ZCWPW2: variants seen among roughly 807,000 people sequenced by gnomAD.
ZCWPW2 encodes the protein zinc finger CW-type and PWWP domain containing 2, also known as zinc finger CW-type PWWP domain protein 2.
In ZCWPW2, 45 loss-of-function variants were observed where a neutral mutation model predicts 46.6. The ratio of observed to expected loss-of-function variants is 0.96; its 90% CI spans 0.76 to 1.24. ZCWPW2 has a LOEUF of 1.24. Among genes scored for constraint, ZCWPW2 ranks in the 50% most tolerant of loss-of-function variants. The probability of loss-of-function intolerance (pLI) is 0.00; values close to 1 mark genes in which losing one functional copy is unlikely to be tolerated. For synonymous variants in ZCWPW2, 152 were observed against 137.1 expected (o/e 1.11, Z -0.76); for missense variants, 429 against 403.9 (o/e 1.06, Z -0.53).
intron 1 of ZCWPW2, among the ~76,000 whole-genome samples, chr3:28,387,200 G>A (rs1307615580): frequency 6.6e-6 from 1 of 152,104 alleles, no homozygotes; most frequent in Non-Finnish European, 1.5e-5. Flanking sequence ...TCACTTGTAG[G>A]CTTAGCAAAC....
intron 2 of ZCWPW2, among the ~76,000 whole-genome samples, chr3:28,409,671 C>T (rs1696320048): frequency 6.6e-6 from 1 of 151,914 alleles, no homozygotes; most frequent in African/African-American, 2.4e-5. Context: ...TAATTTATAC[C>T]TTGTTAAATC....
chr3:28,451,868 C>T (rs1698238770), intron 4 of ZCWPW2, among the ~76,000 whole-genome samples: 1 of 152,200 alleles, frequency 6.6e-6, no homozygotes, highest in Non-Finnish European at 1.5e-5. Flanking sequence ...CTAAAAAACT[C>T]TTGCACCATG....
At chr3:28,493,465 C>A (rs1233037708) in intron 6 of ZCWPW2, among the ~76,000 whole-genome samples, 1 of 117,598 alleles carries the variant, frequency 8.5e-6, no homozygotes, top group Non-Finnish European at 1.9e-5. Context: ...CATGTCCCTA[C>A]AAAGGACATG....
intron 6 of ZCWPW2, chr3:28,511,222 G>A: frequency 3.2e-6 from 1 of 311,700 alleles, no homozygotes; most frequent in South Asian, 2.7e-5. Context: ...CCAACTAGGA[G>A]CAAATGTCTA....
chr3:28,492,414 A>G (rs1258300688), intron 6 of ZCWPW2, among the ~76,000 whole-genome samples: 1 of 152,106 alleles, frequency 6.6e-6, no homozygotes. Flanking sequence ...ATAAGTAAAC[A>G]AGTAAATGAG....
At chr3:28,385,425 A>C (rs1695234763) in intron 1 of ZCWPW2, among the ~76,000 whole-genome samples, 1 of 152,240 alleles carries the variant, frequency 6.6e-6, no homozygotes, top group African/African-American at 2.4e-5. Context: ...GCCAGAATAC[A>C]GTATGATGTG....
chr3:28,402,782 A>G (rs1696000641), intron 2 of ZCWPW2, among the ~76,000 whole-genome samples: 1 of 152,222 alleles, frequency 6.6e-6, no homozygotes, highest in Non-Finnish European at 1.5e-5. Context: ...ACATAAACAG[A>G]ATTAAAAAGA....
At chr3:28,448,339 G>A (rs1698077481) in intron 4 of ZCWPW2, among the ~76,000 whole-genome samples, 1 of 151,966 alleles carries the variant, frequency 6.6e-6, no homozygotes, top group Non-Finnish European at 1.5e-5. Flanking sequence ...CATTTACAAT[G>A]GCATCAAAAA....
rs560157465 is a variant in ZCWPW2, at chr3:28,514,195, G to A, written c.716+73G>A. ...ATTGGATTTAGTTTAGAAACACCCC[G>A]GCTAATAACCCTAAACAACATCTTT... On this transcript the variant is annotated intron_variant, in intron 7 of 9. Coordinates refer to ENST00000383768, the MANE Select transcript of ZCWPW2 (RefSeq NM_001040432.4). 1.1e-4 allele frequency: 115 copies of A among 1,034,300 alleles called. 2 individuals carry two copies. In the South Asian group the frequency reaches 1.1e-3, roughly 10 times the overall value. 64.1% of individuals were successfully genotyped at this position (1,034,300 alleles called of 1,614,324 possible).
rs796704127 is a variant in ZCWPW2 at position 28,436,330 on chromosome 3, T to TTC, written c.492+1062_492+1063insCT. 4.8e-3 allele frequency among the ~76,000 whole-genome samples: 708 copies of TTC among 146,320 alleles called. 7 individuals carry two copies. Among genetic ancestry groups the TTC allele is most frequent in the African/African-American group, 0.017 (676 of 39,688 alleles). ...GAATATTTTCTTTTTTTTCTTTTTT[T>TTC]TTTTTTTTTTTGTGATGGCCAGCCT... is the stretch of plus-strand genomic sequence containing the variant. On this transcript the variant is annotated intron_variant, in intron 4 of 9. Transcript: ENST00000383768.
At chr3:28,516,020 G>T (rs1260661394) in intron 8 of ZCWPW2, among the ~76,000 whole-genome samples, 1 of 151,680 alleles carries the variant, frequency 6.6e-6, no homozygotes, top group Non-Finnish European at 1.5e-5. Context: ...GCAGGAAGAT[G>T]ACTTGAGGTC....
chr3:28,510,430 AAAT>A (rs1700396470), intron 6 of ZCWPW2, among the ~76,000 whole-genome samples: 1 of 152,244 alleles, frequency 6.6e-6, no homozygotes, highest in East Asian at 1.9e-4. Context: ...TGACTTTTGT[AAAT>A]CCTCTTTTTC....
chr3:28,485,730 G>A (rs1312199370), intron 5 of ZCWPW2, among the ~76,000 whole-genome samples: 1 of 152,058 alleles, frequency 6.6e-6, no homozygotes, highest in Non-Finnish European at 1.5e-5. Context: ...ATTAGGGTTA[G>A]CATGATATAT....
intron 4 of ZCWPW2, among the ~76,000 whole-genome samples, chr3:28,445,578 A>G (rs1037599192): frequency 6.6e-6 from 1 of 152,178 alleles, no homozygotes; most frequent in Non-Finnish European, 1.5e-5. Context: ...AGGAATTTAA[A>G]TGTTTCAGTA....
intron 8 of ZCWPW2, among the ~76,000 whole-genome samples, chr3:28,520,049 A>G (rs1340351399): frequency 6.0e-5 from 9 of 149,436 alleles, no homozygotes; most frequent in African/African-American, 2.0e-4. Context: ...CTGTCGCCCA[A>G]GCTGGAGTGC....
At chr3:28,463,442 T>C (rs1168217082) in intron 4 of ZCWPW2, among the ~76,000 whole-genome samples, 7 of 152,128 alleles carry the variant, frequency 4.6e-5, no homozygotes, top group Non-Finnish European at 1.0e-4. Context: ...AAATTTAAAT[T>C]TTAAATTAAA....
chr3:28,352,126 G>GCGCA (rs369399294), intron 1 of ZCWPW2, among the ~76,000 whole-genome samples: 3 of 129,606 alleles, frequency 2.3e-5, no homozygotes, highest in South Asian at 2.8e-4. Flanking sequence ...TCAGATGTAT[G>GCGCA]CACACACACA....
rs1699450530 is a variant in ZCWPW2 at position 28,482,192 on chromosome 3, TTA to T, written c.610+3263_610+3264del. Among the ~76,000 whole-genome samples, 10 of 152,330 alleles carry T rather than the reference TTA, an allele frequency of 6.6e-5. No individual in the cohort carries two copies. In the South Asian group the frequency reaches 2.1e-3, roughly 32 times the overall value. ...ATTCCCTGGCAACTACTGATTTTTGTTATCTGTCTCCATAGTTTTGGCTTTTC... is the reference window on the plus strand; with the variant it reads ...ATTCCCTGGCAACTACTGATTTTTGTTCTGTCTCCATAGTTTTGGCTTTTC... On this transcript the variant is annotated intron_variant, in intron 5 of 9. Transcript: ENST00000383768.
chr3:28,356,965 G>A (rs1332241049), intron 1 of ZCWPW2, among the ~76,000 whole-genome samples: 4 of 151,692 alleles, frequency 2.6e-5, no homozygotes, highest in Non-Finnish European at 2.9e-5. Flanking sequence ...TAACAAACCT[G>A]CACGTTGTGC....
Sources: gnomAD v4.1 joint callset for allele counts (sites outside exome capture counted in the v4.1 genomes callset) on GRCh38, gnomAD v4.1.1 for gene constraint, MANE v1.5 for transcripts, NCBI Gene and HGNC (gene_info 2026-07-23, HGNC 2026-07-21) for gene names.